CNBD1: variants seen among roughly 807,000 people sequenced by gnomAD.
The protein encoded by CNBD1 is cyclic nucleotide binding domain containing 1.
A neutral mutation model predicts 54.4 loss-of-function variants in CNBD1; 71 were observed. That is an observed-to-expected ratio of 1.30 (90% CI 1.08 to 1.59). The LOEUF is 1.59. CNBD1 is among the 40% of genes most tolerant of loss of function. CNBD1 has a pLI of 0.00. For synonymous variants in CNBD1, 182 were observed against 170.7 expected (o/e 1.07, Z -0.51); for missense variants, 659 against 518.0 (o/e 1.27, Z -2.64).
chr8:87,379,548 T>A (rs1179142469), intron 10 of CNBD1, among the ~76,000 whole-genome samples: 6 of 151,728 alleles, frequency 4.0e-5, no homozygotes, highest in African/African-American at 1.2e-4. Flanking sequence ...TTGTTAAATT[T>A]AAAAAAAATC....
intron 5 of CNBD1, among the ~76,000 whole-genome samples, chr8:87,216,002 G>A (rs1814201793): frequency 6.6e-6 from 1 of 152,072 alleles, no homozygotes; most frequent in African/African-American, 2.4e-5. Flanking sequence ...CTTTTGTGTT[G>A]AGTTCTTTCG....
intron 2 of CNBD1, among the ~76,000 whole-genome samples, chr8:87,408,915 G>C (rs1048161985): frequency 6.6e-6 from 1 of 151,952 alleles, no homozygotes; most frequent in Non-Finnish European, 1.5e-5. Context: ...TCCCTCACCA[G>C]TTTGTCATTC....
downstream of CNBD1, among the ~76,000 whole-genome samples, chr8:87,387,365 C>G (rs1378627937): frequency 6.6e-6 from 1 of 152,012 alleles, no homozygotes; most frequent in Non-Finnish European, 1.5e-5. Flanking sequence ...AAACCCATCT[C>G]ACGTGCCGAG....
At chr8:87,360,198 G>T (rs1810498909) in intron 10 of CNBD1, among the ~76,000 whole-genome samples, 1 of 151,856 alleles carries the variant, frequency 6.6e-6, no homozygotes, top group Non-Finnish European at 1.5e-5. Context: ...GAATATTAAA[G>T]ACTTCATAAA....
intron 6 of CNBD1, among the ~76,000 whole-genome samples, chr8:87,280,223 A>G (rs1413027675): frequency 1.3e-5 from 2 of 151,508 alleles, no homozygotes; most frequent in Middle Eastern, 3.2e-3. Flanking sequence ...TTTTCTTATC[A>G]TGGTTTGGTT....
downstream of CNBD1, among the ~76,000 whole-genome samples, chr8:87,385,617 G>T (rs1388137883): frequency 6.6e-6 from 1 of 152,092 alleles, no homozygotes; most frequent in Non-Finnish European, 1.5e-5. Context: ...CAAAGTGGCT[G>T]GGAAGCTGGA....
chr8:87,184,684 G>A (rs1216707050), intron 4 of CNBD1, among the ~76,000 whole-genome samples: 1 of 151,918 alleles, frequency 6.6e-6, no homozygotes, highest in Admixed American at 6.6e-5. Flanking sequence ...GAAGGAGTCT[G>A]GTGCTTGGCA....
At chr8:87,169,627 G>T (rs1813043987) in intron 4 of CNBD1, among the ~76,000 whole-genome samples, 1 of 151,940 alleles carries the variant, frequency 6.6e-6, no homozygotes, top group African/African-American at 2.4e-5. Context: ...TCTGCATATG[G>T]ATATCCAGTT....
chr8:87,116,269 A>G lies in CNBD1; in HGVS notation c.432-89724A>G, dbSNP rs973745576. ...TAGGCTGGAGTACAAGGGCATAAAC[A>G]TGACTCACTACAGCCTCAAGATCCT... On this transcript the variant is annotated intron_variant, in intron 4 of 10. Transcript: ENST00000518476. Among the ~76,000 whole-genome samples the G allele has an allele frequency of 4.9e-5, 7 of 142,940 alleles. No individual in the cohort carries two copies. In the East Asian group the frequency reaches 1.0e-3, roughly 21 times the overall value. 93.8% of individuals were successfully genotyped at this position (142,940 alleles called of 152,430 possible). A position where few individuals can be genotyped will look rare whatever the true frequency, so the allele number is the denominator to read the frequency against.
intron 8 of CNBD1, among the ~76,000 whole-genome samples, chr8:87,342,325 T>C (rs1810082108): frequency 6.6e-6 from 1 of 151,972 alleles, no homozygotes; most frequent in African/African-American, 2.4e-5. Context: ...GTTGAATTAG[T>C]GTCTCCATGG....
At chr8:87,015,784 C>T (rs1238697749) in intron 4 of CNBD1, among the ~76,000 whole-genome samples, 3 of 151,822 alleles carry the variant, frequency 2.0e-5, no homozygotes, top group Non-Finnish European at 4.4e-5. Context: ...GTTTGAGACA[C>T]AGACTAACCA....
chr8:87,417,819 T>C (rs1807861235), intron 2 of CNBD1, among the ~76,000 whole-genome samples: 2 of 151,902 alleles, frequency 1.3e-5, no homozygotes, highest in South Asian at 4.1e-4. Flanking sequence ...CAATATATGA[T>C]AGTAACAATA....
chr8:87,379,888 G>T (rs1393993846), intron 10 of CNBD1, among the ~76,000 whole-genome samples: 5 of 151,784 alleles, frequency 3.3e-5, no homozygotes, highest in African/African-American at 1.2e-4. Flanking sequence ...AAAATTCTGA[G>T]TAAAAGGAAA....
intron 4 of CNBD1, among the ~76,000 whole-genome samples, chr8:87,018,293 T>TA (rs1809410012): frequency 6.6e-6 from 1 of 152,188 alleles, no homozygotes; most frequent in South Asian, 2.1e-4. Context: ...ATCAATTTCT[T>TA]ACTACATTTT....
chr8:87,092,743 T>G (rs527946257), intron 4 of CNBD1, among the ~76,000 whole-genome samples: 1 of 152,136 alleles, frequency 6.6e-6, no homozygotes, highest in East Asian at 1.9e-4. Context: ...ACCAATGATT[T>G]AGATAAGAAT....
chr8:87,304,552 GGT>G (rs1554577593), intron 8 of CNBD1, among the ~76,000 whole-genome samples: 1 of 151,806 alleles, frequency 6.6e-6, no homozygotes, highest in Non-Finnish European at 1.5e-5. Context: ...TGAGTTAATG[GGT>G]GCAGCACACC....
chr8:86,878,105 T>TGTGTGTGTGTGAGAGAGA (rs56785226), intron 1 of CNBD1, among the ~76,000 whole-genome samples: 1 of 140,876 alleles, frequency 7.1e-6, no homozygotes, highest in Non-Finnish European at 1.6e-5. Context: ...TGTGTGTGTG[T>TGTGTGTGTGTGAGAGAGA]GAGAGAGAGA....
chr8:87,199,416 C>T (rs1018708594), intron 4 of CNBD1, among the ~76,000 whole-genome samples: 4 of 152,092 alleles, frequency 2.6e-5, no homozygotes, highest in Admixed American at 2.6e-4. Flanking sequence ...GAAAGAAAAA[C>T]AACACAAATT....
chr8:87,223,152 G>C (rs1216078275), intron 5 of CNBD1, among the ~76,000 whole-genome samples: 3 of 147,938 alleles, frequency 2.0e-5, no homozygotes, highest in Admixed American at 1.3e-4. Context: ...TAGCCATCAA[G>C]TTTGCCATAC....
Sources: gnomAD v4.1 joint callset for allele counts (sites outside exome capture counted in the v4.1 genomes callset) on GRCh38, gnomAD v4.1.1 for gene constraint, MANE v1.5 for transcripts, NCBI Gene and HGNC (gene_info 2026-07-23, HGNC 2026-07-21) for gene names.